Variants in EFCAB5 observed in about 807,000 individuals in gnomAD.
EFCAB5 encodes the protein EF-hand calcium-binding domain-containing protein 5.
A neutral mutation model predicts 167.9 loss-of-function variants in EFCAB5; 131 were observed. The ratio of observed to expected loss-of-function variants is 0.78; its 90% CI spans 0.68 to 0.90. EFCAB5 has a LOEUF of 0.90. EFCAB5 is among the 40% of genes least tolerant of loss of function. The pLI, the probability that EFCAB5 is intolerant of heterozygous loss-of-function variation, is 0.00. For missense variants in EFCAB5, 1,663 were observed against 1,745.2 expected (o/e 0.95, Z 0.84); for synonymous variants, 574 against 602.8 (o/e 0.95, Z 0.70).
chr17:29,931,667 A>G (rs2067197734), intron 1 of EFCAB5, among the ~76,000 whole-genome samples: 1 of 151,578 alleles, frequency 6.6e-6, no homozygotes, highest in South Asian at 2.1e-4. Flanking sequence ...TTTCAGAAGT[A>G]AGAACTTTGA....
chr17:30,082,790 T>C (rs931105337), intron 17 of EFCAB5, 101 bp from the exon 18 acceptor site: 12 of 1,197,802 alleles, frequency 1.0e-5, no homozygotes, highest in South Asian at 1.8e-5. Context: ...TAGATTATCA[T>C]GAAGTAATTA....
At position 30,070,949 on chromosome 17, in the gene EFCAB5, CAAAAAAAAAAAA is replaced by C. The variant is rs35019863; in HGVS notation, c.2738-7248_2738-7237del. Among the ~76,000 whole-genome samples the C allele has an allele frequency of 3.5e-4, 21 of 60,188 alleles. No homozygotes were observed. The South Asian group carries it at 6.9e-3, about 20-fold the overall frequency. The allele number at this position is 60,188 out of a possible 152,430, so 39.5% of individuals were successfully genotyped here. The stretch of plus-strand genomic sequence containing the variant: ...TGGGTGACAGAGCGAGATTCCATCT[CAAAAAAAAAAAA>C]AAAAAAAAAAAAAAAAATTCAATTT... On this transcript the variant is annotated intron_variant, in intron 14 of 22. Coordinates refer to ENST00000394835, the MANE Select transcript of EFCAB5 (RefSeq NM_198529.4).
intron 7 of EFCAB5, among the ~76,000 whole-genome samples, chr17:30,016,518 T>C (rs1567716451): frequency 1.3e-5 from 2 of 152,164 alleles, no homozygotes; most frequent in South Asian, 2.1e-4. Flanking sequence ...TTAATATCAA[T>C]AACTCATTAT....
At chr17:30,089,980 G>A (rs926619306) in intron 19 of EFCAB5, among the ~76,000 whole-genome samples, 2 of 152,092 alleles carry the variant, frequency 1.3e-5, no homozygotes, top group African/African-American at 2.4e-5. Flanking sequence ...TTTCTCCAGC[G>A]AACACTCGCT....
chr17:30,033,724 T>C (rs1054009249), intron 7 of EFCAB5, among the ~76,000 whole-genome samples: 2 of 152,176 alleles, frequency 1.3e-5, no homozygotes, highest in African/African-American at 4.8e-5. Flanking sequence ...TCAGTCCCTA[T>C]ACTTTAAAAG....
chr17:30,104,543 A>C (rs2071421617), intron 22 of EFCAB5, among the ~76,000 whole-genome samples: 1 of 110,738 alleles, frequency 9.0e-6, no homozygotes. Flanking sequence ...CACTTTTCCA[A>C]AGCAAAGCAA....
At chr17:30,072,481 G>A (rs2070765093) in intron 14 of EFCAB5, among the ~76,000 whole-genome samples, 1 of 152,146 alleles carries the variant, frequency 6.6e-6, no homozygotes, top group Admixed American at 6.5e-5. Context: ...CTGAAAACTG[G>A]ATAAGTAGCT....
intron 19 of EFCAB5, among the ~76,000 whole-genome samples, chr17:30,088,263 C>G (rs1049356841): frequency 7.2e-5 from 11 of 152,110 alleles, no homozygotes. Context: ...GCTGGGACTA[C>G]ACGTATTTGC....
intron 3 of EFCAB5, among the ~76,000 whole-genome samples, chr17:29,964,124 CT>C (rs567743084): frequency 4.2e-4 from 63 of 150,886 alleles, no homozygotes; most frequent in African/African-American, 1.4e-3. Context: ...TCAGGTATTC[CT>C]TTTTTTTTCA....
intron 3 of EFCAB5, among the ~76,000 whole-genome samples, chr17:29,967,259 A>G (rs2067848634): frequency 6.6e-6 from 1 of 152,192 alleles, no homozygotes; most frequent in South Asian, 2.1e-4. Context: ...CTATAGAGTT[A>G]CTGTTTTCTA....
intron 19 of EFCAB5, 170 bp from the exon 20 acceptor site, chr17:30,090,247 AACAG>A (rs1269990680): frequency 6.0e-6 from 5 of 833,030 alleles, no homozygotes; most frequent in African/African-American, 5.2e-5. Flanking sequence ...TGAGTGAGCA[AACAG>A]ACAGCCATGT....
intron 15 of EFCAB5, 150 bp from the exon 16 acceptor site, chr17:30,079,922 C>T (rs1452128858): frequency 2.3e-6 from 2 of 879,104 alleles, no homozygotes; most frequent in Non-Finnish European, 3.3e-6. Context: ...CAACCTTTTC[C>T]CCACTGCCCA....
chr17:30,056,848 G>A (rs2070282038), intron 12 of EFCAB5, among the ~76,000 whole-genome samples: 1 of 152,030 alleles, frequency 6.6e-6, no homozygotes, highest in South Asian at 2.1e-4. Context: ...TCAACCTCTT[G>A]CAGCCTGCTA....
chr17:29,997,824 A>G (rs1345764086), intron 6 of EFCAB5, among the ~76,000 whole-genome samples: 2 of 152,100 alleles, frequency 1.3e-5, no homozygotes, highest in Non-Finnish European at 2.9e-5. Flanking sequence ...AATTCACCCA[A>G]AAATTTCCAC....
At chr17:30,030,530 A>T (rs965993035) in intron 7 of EFCAB5, among the ~76,000 whole-genome samples, 2 of 152,136 alleles carry the variant, frequency 1.3e-5, no homozygotes, top group African/African-American at 4.8e-5. Context: ...TTTAGTAGAG[A>T]TGAGGTTTCA....
chr17:30,057,634 A>C, intron 12 of EFCAB5, 42 bp from the exon 13 acceptor site: 1 of 1,557,506 alleles, frequency 6.4e-7, no homozygotes, highest in East Asian at 2.3e-5. Flanking sequence ...TAACTGAAAA[A>C]ATTGTTCACT....
chr17:29,993,426 G>T, intron 5 of EFCAB5, 105 bp downstream of exon 5: 2 of 1,194,046 alleles, frequency 1.7e-6, no homozygotes, highest in African/African-American at 1.5e-5. Context: ...GAAATTTTCA[G>T]TATTGCTGAG....
chr17:30,065,755 G>A (rs1340628968), intron 14 of EFCAB5: 1 of 152,158 alleles, frequency 6.6e-6, no homozygotes, highest in East Asian at 1.9e-4. Context: ...GACTGAAAGT[G>A]AAGGGATGGA....
chr17:29,931,772 T>C (rs1168922845), intron 1 of EFCAB5, among the ~76,000 whole-genome samples: 3 of 152,218 alleles, frequency 2.0e-5, no homozygotes, highest in Non-Finnish European at 4.4e-5. Flanking sequence ...GAAATATATG[T>C]GCTTTATGAA....
Sources: gnomAD v4.1 joint callset for allele counts (sites outside exome capture counted in the v4.1 genomes callset) on GRCh38, gnomAD v4.1.1 for gene constraint, MANE v1.5 for transcripts, NCBI Gene and HGNC (gene_info 2026-07-23, HGNC 2026-07-21) for gene names.